P3H2: variants seen among roughly 807,000 people sequenced by gnomAD.
The protein encoded by P3H2 is leprecan-like 1.
A neutral mutation model predicts 87.0 loss-of-function variants in P3H2; 80 were observed. That is an observed-to-expected ratio of 0.92 (90% CI 0.77 to 1.11). The LOEUF (loss-of-function observed/expected upper bound fraction) is 1.11. P3H2 is among the 50% of genes least tolerant of loss of function. The pLI is 0.00. For synonymous variants in P3H2, 367 were observed against 359.3 expected (o/e 1.02, Z -0.24); for missense variants, 1,001 against 923.9 (o/e 1.08, Z -1.08).
chr3:189,978,334 C>T (rs1723414475), intron 8 of P3H2, among the ~76,000 whole-genome samples: 1 of 152,062 alleles, frequency 6.6e-6, no homozygotes, highest in East Asian at 1.9e-4. Context: ...TCTTAAGCTC[C>T]ATTATAAGTA....
intron 1 of P3H2, among the ~76,000 whole-genome samples, chr3:190,041,020 CTA>C (rs71635315): frequency 0.038 from 2,024 of 52,626 alleles, 245 homozygotes; most frequent in Non-Finnish European, 0.053. Flanking sequence ...CATGGCTCTA[CTA>C]TATATATATA....
At chr3:189,968,001 T>C (rs1723052097) in intron 13 of P3H2, among the ~76,000 whole-genome samples, 1 of 152,240 alleles carries the variant, frequency 6.6e-6, no homozygotes, top group South Asian at 2.1e-4. Context: ...AAATAGCTTC[T>C]ATAATGCCAA....
intron 1 of P3H2, among the ~76,000 whole-genome samples, chr3:190,105,600 C>A (rs751509351): frequency 1.3e-5 from 2 of 152,166 alleles, no homozygotes; most frequent in Non-Finnish European, 2.9e-5. Flanking sequence ...AAGATGAGGA[C>A]CAGCATTAGA....
At chr3:189,988,742 C>G (rs578235105) in intron 4 of P3H2, among the ~76,000 whole-genome samples, 165 bp downstream of exon 4, 1 of 152,188 alleles carries the variant, frequency 6.6e-6, no homozygotes, top group Admixed American at 6.5e-5. Flanking sequence ...GGTGATATCC[C>G]CTTCTGCTCT....
chr3:189,991,700 T>G (rs1560351965), intron 3 of P3H2, among the ~76,000 whole-genome samples: 2 of 151,452 alleles, frequency 1.3e-5, no homozygotes, highest in Admixed American at 6.6e-5. Flanking sequence ...GGAGAGAGAG[T>G]GAGAGGGAGA....
chr3:190,074,838 C>T (rs1280382789), intron 1 of P3H2, among the ~76,000 whole-genome samples: 1 of 152,182 alleles, frequency 6.6e-6, no homozygotes, highest in African/African-American at 2.4e-5. Flanking sequence ...TTAAGAAAGA[C>T]CTGAAAGCAC....
At chr3:190,017,358 C>G (rs1273907307) in intron 1 of P3H2, among the ~76,000 whole-genome samples, 6 of 152,104 alleles carry the variant, frequency 3.9e-5, no homozygotes, top group Non-Finnish European at 8.8e-5. Context: ...GTTGCTTCCC[C>G]AGTTACAAAA....
intron 1 of P3H2, among the ~76,000 whole-genome samples, chr3:190,052,376 AT>A (rs1726010463): frequency 6.6e-6 from 1 of 152,144 alleles, no homozygotes; most frequent in African/African-American, 2.4e-5. Flanking sequence ...TTTGCTGAGA[AT>A]GATAGCTTCC....
At chr3:190,001,306 C>T (rs1202913586) in intron 1 of P3H2, among the ~76,000 whole-genome samples, 1 of 152,178 alleles carries the variant, frequency 6.6e-6, no homozygotes, top group Non-Finnish European at 1.5e-5. Flanking sequence ...CCACTATGTA[C>T]TTCTCAAATA....
chr3:190,108,112 A>C (rs1256279920), intron 1 of P3H2, among the ~76,000 whole-genome samples: 1 of 151,932 alleles, frequency 6.6e-6, no homozygotes, highest in Non-Finnish European at 1.5e-5. Context: ...CAGCCTAAAA[A>C]TTACCAGTAT....
chr3:189,962,765 A>T (rs1460944013), intron 14 of P3H2, among the ~76,000 whole-genome samples: 1 of 152,212 alleles, frequency 6.6e-6, no homozygotes, highest in Non-Finnish European at 1.5e-5. Flanking sequence ...GAATGTGGGG[A>T]AACACTTTGT....
In P3H2 at chr3:189,970,860, C is replaced by T; in HGVS notation, c.1849G>A (p.Gly617Arg). The change falls in exon 13 of 15, where the codon GGA becomes AGA. Residue 617 changes from glycine (G) to arginine (R), a missense_variant. Coordinates refer to ENST00000319332, the MANE Select transcript of P3H2 (RefSeq NM_018192.4). ...ATCTCTGTGAATATGAATTCTCCTC[C>T]TTCAAAGTCATCATTCATATATAGG... ...ALLYMNDDFE[G>R]GEFIFTEMDA... The T allele has an allele frequency of 6.3e-7, 1 of 1,589,178 alleles. No homozygotes were observed. The highest frequency in any genetic ancestry group is 8.6e-7 in the Non-Finnish European group (1 of 1,157,498).
intron 1 of P3H2, among the ~76,000 whole-genome samples, chr3:190,005,567 G>A (rs1354352482): frequency 6.6e-6 from 1 of 152,154 alleles, no homozygotes; most frequent in Non-Finnish European, 1.5e-5. Flanking sequence ...CACTCAAATC[G>A]CTTTACTGTG....
chr3:190,103,971 T>C (rs1711733381), intron 1 of P3H2, among the ~76,000 whole-genome samples: 1 of 152,056 alleles, frequency 6.6e-6, no homozygotes, highest in African/African-American at 2.4e-5. Flanking sequence ...TTTGTATTTT[T>C]AGTAGAGACG....
chr3:189,995,997 T>C (rs779401231), intron 1 of P3H2, among the ~76,000 whole-genome samples: 5 of 152,202 alleles, frequency 3.3e-5, no homozygotes, highest in South Asian at 2.1e-4. Flanking sequence ...GGCACCCTTA[T>C]ACACTGTTGG....
intron 1 of P3H2, among the ~76,000 whole-genome samples, chr3:190,018,707 T>C (rs1270529388): frequency 2.0e-5 from 3 of 152,038 alleles, no homozygotes; most frequent in Non-Finnish European, 2.9e-5. Flanking sequence ...AGACCCTGAC[T>C]CAAAAAAGGA....
intron 1 of P3H2, among the ~76,000 whole-genome samples, chr3:190,048,927 A>G (rs1339598666): frequency 6.6e-6 from 1 of 152,204 alleles, no homozygotes; most frequent in Non-Finnish European, 1.5e-5. Context: ...ATAGCTTTGC[A>G]GGTTTGCAAA....
intron 1 of P3H2, among the ~76,000 whole-genome samples, chr3:190,047,528 A>C (rs1725843844): frequency 6.6e-6 from 1 of 152,236 alleles, no homozygotes; most frequent in Admixed American, 6.5e-5. Flanking sequence ...TAAACATAAG[A>C]GTTCCTGCAA....
chr3:190,036,798 TCTC>T (rs1434586908), intron 1 of P3H2, among the ~76,000 whole-genome samples: 1 of 152,124 alleles, frequency 6.6e-6, no homozygotes, highest in Non-Finnish European at 1.5e-5. Flanking sequence ...GATGATCCCT[TCTC>T]CTCCACTGTG....
Sources: allele counts gnomAD v4.1 joint callset (sites outside exome capture counted in the v4.1 genomes callset), GRCh38; gene constraint gnomAD v4.1.1; transcripts MANE v1.5; gene names NCBI Gene and HGNC (gene_info 2026-07-23, HGNC 2026-07-21).